The following ST6GALNAC5 variants were observed in gnomAD, a reference collection of about 807,000 sequenced individuals.
ST6GALNAC5 encodes the protein ST6 N-acetylgalactosaminide alpha-2,6-sialyltransferase 5.
A neutral mutation model predicts 33.6 loss-of-function variants in ST6GALNAC5; 27 were observed. The observed-to-expected ratio is 0.80, with a 90% CI of 0.59 to 1.11. The LOEUF (loss-of-function observed/expected upper bound fraction) is 1.11, where lower values mean the gene tolerates loss of function less well. ST6GALNAC5 is among the 50% of genes least tolerant of loss of function. The probability of loss-of-function intolerance (pLI) is 0.00; values close to 1 mark genes in which losing one functional copy is unlikely to be tolerated. For missense variants in ST6GALNAC5, 428 were observed against 454.0 expected (o/e 0.94, Z 0.52); for synonymous variants, 194 against 171.2 (o/e 1.13, Z -1.04).
At position 76,908,565 on chromosome 1, in the gene ST6GALNAC5, A is replaced by G. The variant is rs558098409; in HGVS notation, c.261+39823A>G. On this transcript the variant is annotated intron_variant, in intron 2 of 4. Coordinates refer to ENST00000477717, the MANE Select transcript of ST6GALNAC5 (RefSeq NM_030965.3). ...ACACACAGGTTGCCTCCAGATCACA[A>G]GGCTCTTACCCCTCTTTTGTTCTTG... Among the ~76,000 whole-genome samples the G allele has an allele frequency of 8.5e-5, 13 of 152,258 alleles. No individual in the cohort carries two copies. The South Asian group carries it at 2.7e-3, about 32-fold the overall frequency.
chr1:77,006,134 T>TC (rs772879464), intron 2 of ST6GALNAC5, among the ~76,000 whole-genome samples: 430 of 126,074 alleles, frequency 3.4e-3, no homozygotes, highest in Non-Finnish European at 5.7e-3. Flanking sequence ...TAGAAATGTG[T>TC]AGTTTTTTTT....
In ST6GALNAC5 at chr1:77,038,330, G is replaced by A. The variant is rs1651725290; in HGVS notation, c.262-5874G>A. ...AAATAATCAGCATGGCTTATACCCA[G>A]TGTCAGCCTGAACTGAGATTGACAG... On this transcript the variant is annotated intron_variant, in intron 2 of 4. Transcript: ENST00000477717. 2.0e-5 allele frequency among the ~76,000 whole-genome samples: 3 copies of A among 152,192 alleles called. No individual in the cohort carries two copies. In the South Asian group the frequency reaches 6.2e-4, roughly 32 times the overall value.
chr1:76,915,526 A>G lies in ST6GALNAC5; in HGVS notation c.261+46784A>G, dbSNP rs183201300. On this transcript the variant is annotated intron_variant, in intron 2 of 4. Transcript: ENST00000477717. ...TACTACGCAGCCATAAAAAATGATG[A>G]GTTCCTGTCCTTTGTAGGGACATGG... Among the ~76,000 whole-genome samples the G allele has an allele frequency of 9.1e-4, 139 of 152,276 alleles. 2 individuals are homozygous for G. In the East Asian group the frequency reaches 0.022, roughly 24 times the overall value.
At chr1:76,982,119 C>A (rs1353785825) in intron 2 of ST6GALNAC5, among the ~76,000 whole-genome samples, 1 of 152,200 alleles carries the variant, frequency 6.6e-6, no homozygotes, top group Non-Finnish European at 1.5e-5. Context: ...CAAAGGATCA[C>A]AGCTCCTCGC....
chr1:76,885,997 T>C (rs914725898), intron 2 of ST6GALNAC5, among the ~76,000 whole-genome samples: 10 of 152,228 alleles, frequency 6.6e-5, no homozygotes, highest in Admixed American at 4.6e-4. Context: ...GCCATCTTCA[T>C]GGGCAGTGGG....
intron 2 of ST6GALNAC5, among the ~76,000 whole-genome samples, chr1:77,005,525 G>T (rs535451881): frequency 3.6e-4 from 55 of 152,270 alleles, no homozygotes; most frequent in African/African-American, 1.2e-3. Flanking sequence ...CTCAGGTTTG[G>T]GTTTTTTATG....
Position 76,867,639 on chromosome 1 carries a change from G to T in ST6GALNAC5, c.-37G>T. 1 of 1,614,040 alleles carries T rather than the reference G, an allele frequency of 6.2e-7. No individual in the cohort carries two copies. Among genetic ancestry groups the T allele is most frequent in the Non-Finnish European group, 8.5e-7 (1 of 1,179,998 alleles). On this transcript the variant is annotated 5_prime_UTR_variant, in exon 1 of 5. Coordinates refer to ENST00000477717, the MANE Select transcript of ST6GALNAC5 (RefSeq NM_030965.3). ...TCCAGGAAAAAGTGGCCCCGGACGCGCGAGCCTGAGGATTCTGCACAAAAG... is the reference window on the plus strand; with the variant it reads ...TCCAGGAAAAAGTGGCCCCGGACGCTCGAGCCTGAGGATTCTGCACAAAAG...
intron 2 of ST6GALNAC5, among the ~76,000 whole-genome samples, chr1:76,980,979 G>A (rs1487424538): frequency 6.6e-6 from 1 of 152,112 alleles, no homozygotes; most frequent in Non-Finnish European, 1.5e-5. Flanking sequence ...ATGTGATAAG[G>A]GACTTGTATT....
intron 2 of ST6GALNAC5, among the ~76,000 whole-genome samples, chr1:76,900,125 T>G (rs902787161): frequency 3.3e-5 from 5 of 151,878 alleles, no homozygotes; most frequent in African/African-American, 1.2e-4. Flanking sequence ...TTTGGGTAGA[T>G]AAAGGAAAAT....
At chr1:76,918,229 G>A (rs1311044201) in intron 2 of ST6GALNAC5, among the ~76,000 whole-genome samples, 1 of 152,124 alleles carries the variant, frequency 6.6e-6, no homozygotes, top group Non-Finnish European at 1.5e-5. Flanking sequence ...TTCTATTCCA[G>A]TCTGAGAGTC....
chr1:77,014,467 C>A (rs146421510), intron 2 of ST6GALNAC5, among the ~76,000 whole-genome samples: 12 of 152,318 alleles, frequency 7.9e-5, no homozygotes, highest in African/African-American at 2.4e-4. Context: ...AAGGTCCCCC[C>A]ACCCAGGCCC....
chr1:77,038,829 C>T (rs1056665228), intron 2 of ST6GALNAC5, among the ~76,000 whole-genome samples: 1 of 152,166 alleles, frequency 6.6e-6, no homozygotes, highest in Non-Finnish European at 1.5e-5. Flanking sequence ...TCATGCTTCG[C>T]TATTCCATTA....
chr1:77,038,615 T>C (rs575815176), intron 2 of ST6GALNAC5, among the ~76,000 whole-genome samples: 8 of 152,354 alleles, frequency 5.3e-5, no homozygotes, highest in African/African-American at 1.9e-4. Context: ...CTGAGTGTTT[T>C]AGGTGTCAAG....
chr1:76,904,375 C>G (rs55801205), intron 2 of ST6GALNAC5, among the ~76,000 whole-genome samples: 5,723 of 152,082 alleles, frequency 0.038, 246 homozygotes, highest in African/African-American at 0.11. Context: ...TGTACAGGAA[C>G]GTTCATAGCA....
In ST6GALNAC5 at chr1:76,867,682, A is replaced by C; in HGVS notation, c.7A>C (p.Thr3Pro). ...CACAAAAGAGGTGCCCAAAATGAAGACCCTGATGGTGAGTCAGTTGTGGCA... is the reference window on the plus strand; with the variant it reads ...CACAAAAGAGGTGCCCAAAATGAAGCCCCTGATGGTGAGTCAGTTGTGGCA... The part of the protein sequence containing the change: MK[T>P]LMRHGLAVCL... The change falls in exon 1 of 5, where the codon ACC becomes CCC. Residue 3 changes from threonine (T) to proline (P), a missense_variant. Thr to Pro is a conservative substitution (Grantham distance 38). Coordinates refer to ENST00000477717, the MANE Select transcript of ST6GALNAC5 (RefSeq NM_030965.3). The C allele has an allele frequency of 6.2e-7, 1 of 1,613,912 alleles. No individual in the cohort carries two copies.
intron 2 of ST6GALNAC5, among the ~76,000 whole-genome samples, chr1:76,979,824 G>A (rs1164417464): frequency 6.6e-6 from 1 of 152,142 alleles, no homozygotes; most frequent in African/African-American, 2.4e-5. Flanking sequence ...CTACTTGGGA[G>A]GCTGAGGCAT....
chr1:77,033,044 A>G (rs1048763190), intron 2 of ST6GALNAC5, among the ~76,000 whole-genome samples: 1 of 152,232 alleles, frequency 6.6e-6, no homozygotes, highest in African/African-American at 2.4e-5. Context: ...TTTATGTCCA[A>G]TCTCTTCCTA....
intron 2 of ST6GALNAC5, among the ~76,000 whole-genome samples, chr1:77,000,560 C>T (rs1221605328): frequency 6.9e-6 from 1 of 145,138 alleles, no homozygotes; most frequent in Admixed American, 7.0e-5. Flanking sequence ...ACATGAAGTC[C>T]TTGCCCATGC....
Position 77,064,104 on chromosome 1 carries a change from T to C in ST6GALNAC5, c.*898T>C, listed in dbSNP as rs1468309899. 2 of 152,136 alleles carry C rather than the reference T, an allele frequency of 1.3e-5. No individual in the cohort carries two copies. The highest frequency in any genetic ancestry group is 2.4e-5 in the African/African-American group (1 of 41,410). The allele number at this position is 152,136 out of a possible 1,614,324, so 9.4% of individuals were successfully genotyped here. On this transcript the variant is annotated 3_prime_UTR_variant, in exon 5 of 5. Coordinates refer to ENST00000477717, the MANE Select transcript of ST6GALNAC5 (RefSeq NM_030965.3). ...TTAGTAATAATTTATGTAAGTGTCCTCTCTTGAGCCCTAGTTTCCTTTTTG... is the reference window on the plus strand; with the variant it reads ...TTAGTAATAATTTATGTAAGTGTCCCCTCTTGAGCCCTAGTTTCCTTTTTG...
Sources: allele counts gnomAD v4.1 joint callset (sites outside exome capture counted in the v4.1 genomes callset), GRCh38; gene constraint gnomAD v4.1.1; transcripts MANE v1.5; gene names NCBI Gene and HGNC (gene_info 2026-07-23, HGNC 2026-07-21).